CAMSAP1: variants seen among roughly 807,000 people sequenced by gnomAD.
CAMSAP1 encodes calmodulin regulated spectrin associated protein 1, also known as calmodulin-regulated spectrin-associated protein 1.
In CAMSAP1, 58 loss-of-function variants were observed where a neutral mutation model predicts 143.5. The ratio of observed to expected loss-of-function variants is 0.40; its 90% confidence interval spans 0.33 to 0.50. The LOEUF is 0.50. CAMSAP1 is among the 20% of genes least tolerant of loss of function. The probability of loss-of-function intolerance (pLI) is 0.45; values close to 1 mark genes in which losing one functional copy is unlikely to be tolerated. For synonymous variants in CAMSAP1, 945 were observed against 859.3 expected, an observed-to-expected ratio of 1.10 and a Z score of -1.74; for missense variants, 1,969 against 2,115.7, an observed-to-expected ratio of 0.93 and a Z score of 1.36.
At chr9:135,876,548 T>C (rs1837756610) in intron 3 of CAMSAP1, among the ~76,000 whole-genome samples, 1 of 152,154 alleles carries the variant, frequency 6.6e-6, no homozygotes, top group South Asian at 2.1e-4. Flanking sequence ...CTGTAACAAG[T>C]GTAGAGCAAC....
chr9:135,809,319 C>G lies in CAMSAP1; in HGVS notation c.*1990G>C, dbSNP rs1834958026. 6.6e-6 allele frequency: 1 copy of G among 152,236 alleles called. No homozygotes were observed. The highest frequency in any genetic ancestry group is 2.1e-4 in the South Asian group (1 of 4,836). The allele number at this position is 152,236 out of a possible 1,614,324, so 9.4% of individuals were successfully genotyped here. ...TACTCGCAACGAACAGTGAAAACTA[C>G]ACGCTTAAGGACAAGTTTCAGGATG... On this transcript the variant is annotated 3_prime_UTR_variant, in exon 17 of 17. Coordinates refer to ENST00000389532, the MANE Select transcript of CAMSAP1 (RefSeq NM_015447.4).
Position 135,821,551 on chromosome 9 carries a change from G to A in CAMSAP1, c.3110C>T (p.Ala1037Val), listed in dbSNP as rs767364449. Residue 1037 changes from alanine (A) to valine (V), a missense_variant, in exon 11 of 17, where the codon GCC (alanine) becomes GTC (valine). Physicochemically the swap from Ala to Val is moderately conservative, Grantham distance 64. This residue lies in a region of CAMSAP1 where 1,390 missense variants were observed against 1,420.8 expected (regional missense o/e 0.98). Transcript: ENST00000389532. This position sits in a 1 kb window ranked among gnomAD's most constrained non-coding sequence, Gnocchi z 4.6. ...LNETISTLQQ[A>V]ILKISQQQEQ... ...TTGCTGCTGAGAGATTTTCAGGATG[G>A]CCTGCTGCAGCGTACTGATGGTTTC... is the stretch of plus-strand genomic sequence containing the variant. The A allele has an allele frequency of 6.2e-7, 1 of 1,614,026 alleles. No homozygotes were observed. The highest frequency in any genetic ancestry group is 8.5e-7 in the Non-Finnish European group (1 of 1,179,896).
chr9:135,836,371 ACC>A, intron 7 of CAMSAP1: 1 of 980,466 alleles, frequency 1.0e-6, no homozygotes, highest in African/African-American at 1.8e-5. Flanking sequence ...CATACCTTCT[ACC>A]CTGTTCTACA....
At chr9:135,833,250 T>C (rs1371774965) in intron 7 of CAMSAP1, among the ~76,000 whole-genome samples, 1 of 151,860 alleles carries the variant, frequency 6.6e-6, no homozygotes, top group Non-Finnish European at 1.5e-5. Flanking sequence ...CCCGGCTAAT[T>C]TTTTGTATTT....
intron 3 of CAMSAP1, among the ~76,000 whole-genome samples, chr9:135,870,685 C>T (rs1229385548): frequency 6.6e-6 from 1 of 152,146 alleles, no homozygotes; most frequent in Admixed American, 6.5e-5. Context: ...ATCCCAGTTA[C>T]TTGGGAGGCT....
At chr9:135,845,417 A>C (rs571975918) in intron 7 of CAMSAP1, among the ~76,000 whole-genome samples, 2 of 152,364 alleles carry the variant, frequency 1.3e-5, no homozygotes, top group Non-Finnish European at 2.9e-5. Context: ...ATCATACTGA[A>C]TGGGCAAAAG....
rs532073339 is a variant in CAMSAP1, at chr9:135,828,734, AT to A, written c.1046-1151del. On this transcript the variant is annotated intron_variant, in intron 7 of 16. Transcript: ENST00000389532. Reference sequence around the variant, plus strand: ...AGATGATACAGATCTCTCTCTCAAGATGACATGTGCTCCCCCAGGCACATTA... The same window carrying A: ...AGATGATACAGATCTCTCTCTCAAGAGACATGTGCTCCCCCAGGCACATTA... Among the ~76,000 whole-genome samples the A allele has an allele frequency of 4.7e-4, 71 of 152,364 alleles. No homozygotes were observed. The South Asian group carries it at 5.2e-3, about 11-fold the overall frequency.
In CAMSAP1 at chr9:135,820,474, A is replaced by G. The variant is rs1286850943; in HGVS notation, c.3822+365T>C. Among the ~76,000 whole-genome samples the G allele has an allele frequency of 2.6e-5, 4 of 152,162 alleles. No individual in the cohort carries two copies. Among genetic ancestry groups the G allele is most frequent in the African/African-American group, 9.7e-5 (4 of 41,432 alleles). On this transcript the variant is annotated intron_variant, in intron 11 of 16. Coordinates refer to ENST00000389532, the MANE Select transcript of CAMSAP1 (RefSeq NM_015447.4). This position sits in a 1 kb window ranked among gnomAD's most constrained non-coding sequence, Gnocchi z 4.4. ...GGCCAGGCCTGGCCACCTCCAGAGC[A>G]TTCTAACGACGAACGCTTTTTACGC...
At chr9:135,868,083 C>A (rs1311555657) in intron 3 of CAMSAP1, among the ~76,000 whole-genome samples, 1 of 151,708 alleles carries the variant, frequency 6.6e-6, no homozygotes, top group Non-Finnish European at 1.5e-5. Context: ...AATTTTATAT[C>A]CAGCCGTATA....
chr9:135,881,951 G>A (rs924967531), intron 2 of CAMSAP1, among the ~76,000 whole-genome samples, 157 bp from the exon 3 acceptor site: 4 of 152,128 alleles, frequency 2.6e-5, no homozygotes, highest in African/African-American at 9.7e-5. Context: ...TGCCTCCCCC[G>A]CACCATCACT....
At chr9:135,815,016 G>A (rs1407055628) in intron 16 of CAMSAP1, 81 bp downstream of exon 16, 13 of 964,214 alleles carry the variant, frequency 1.3e-5, no homozygotes, top group Non-Finnish European at 2.1e-5. Flanking sequence ...AAGATTAGGG[G>A]TGTTTTCTTT....
At chr9:135,880,034 G>T (rs972723681) in intron 3 of CAMSAP1, among the ~76,000 whole-genome samples, 3 of 152,052 alleles carry the variant, frequency 2.0e-5, no homozygotes, top group Non-Finnish European at 2.9e-5. Flanking sequence ...TAGGTGATAA[G>T]ATTACGGGTA....
At chr9:135,866,432 A>AG in intron 4 of CAMSAP1, 24 bp downstream of exon 4, 1 of 1,202,840 alleles carries the variant, frequency 8.3e-7, no homozygotes, top group Non-Finnish European at 1.2e-6. Context: ...AGTGCATTCC[A>AG]GAAAAATTAA....
rs768814585 is a variant in CAMSAP1, at chr9:135,820,891, G to A, written c.3770C>T (p.Ala1257Val). ...CTGGTCGCCTTCGCTGACAAGGTCC[G>A]CCGAGCCATCGAGGCTTACCAGCTC... ...DGELVSLDGS[A>V]DLVSEGDQKP... Residue 1257 changes from alanine to valine, a missense_variant, in exon 11 of 17, where the codon GCG becomes GTG. Around this residue, in one of 4 missense-constraint regions of CAMSAP1, gnomAD observed 1,390 missense variants for 1,420.8 expected, o/e 0.98. Transcript: ENST00000389532. This position sits in a 1 kb window ranked among gnomAD's most constrained non-coding sequence, Gnocchi z 4.4. The A allele has an allele frequency of 6.8e-6, 11 of 1,613,602 alleles. No homozygotes were observed. Among genetic ancestry groups the A allele is most frequent in the East Asian group, 2.2e-5 (1 of 44,888 alleles).
At chr9:135,867,367 G>A (rs1588487709) in intron 3 of CAMSAP1, among the ~76,000 whole-genome samples, 1 of 152,050 alleles carries the variant, frequency 6.6e-6, no homozygotes, top group Admixed American at 6.5e-5. Context: ...TGCAAAGGAC[G>A]AGTGTGGCAG....
intron 7 of CAMSAP1, among the ~76,000 whole-genome samples, chr9:135,834,079 C>T (rs1444815010): frequency 6.6e-6 from 1 of 152,162 alleles, no homozygotes; most frequent in Non-Finnish European, 1.5e-5. Context: ...GGCCAGTCAT[C>T]AGGGAGTGCA....
At position 135,818,960 on chromosome 9, in the gene CAMSAP1, A is replaced by G; in HGVS notation, c.3959+50T>C. The G allele has an allele frequency of 6.3e-7, 1 of 1,590,360 alleles. No homozygotes were observed. Among genetic ancestry groups the G allele is most frequent in the Non-Finnish European group, 8.5e-7 (1 of 1,174,750 alleles). ...AGCAACGGGACCGGGGCCGCCAGGG[A>G]CCCACCAGGCTCCTGCTCAGTCTGC... On this transcript the variant is annotated intron_variant, in intron 12 of 16. Coordinates refer to ENST00000389532, the MANE Select transcript of CAMSAP1 (RefSeq NM_015447.4). The surrounding 1 kb of genome is among the most constrained non-coding windows in gnomAD (Gnocchi z 7.7).
chr9:135,883,136 T>TTCA, intron 1 of CAMSAP1, 58 bp from the exon 2 acceptor site: 1 of 1,532,110 alleles, frequency 6.5e-7, no homozygotes, highest in Non-Finnish European at 8.8e-7. Flanking sequence ...AAGGAAGGAG[T>TTCA]TCAAGGCTGC....
intron 5 of CAMSAP1, among the ~76,000 whole-genome samples, chr9:135,854,168 C>T (rs1157530749): frequency 1.3e-5 from 2 of 152,138 alleles, no homozygotes; most frequent in East Asian, 3.9e-4. Flanking sequence ...AGAAGTTGGT[C>T]CCTGTGGATG....
Sources: gnomAD v4.1 joint callset for allele counts (sites outside exome capture counted in the v4.1 genomes callset) on GRCh38, gnomAD v4.1.1 for gene constraint, gnomAD v4.1.1 regional missense constraint, Gnocchi (gnomAD v3.1) non-coding constraint, MANE v1.5 for transcripts, NCBI Gene and HGNC (gene_info 2026-07-23, HGNC 2026-07-21) for gene names.